ENPP6: variants seen among roughly 807,000 people sequenced by gnomAD.
ENPP6 encodes glycerophosphocholine cholinephosphodiesterase ENPP6.
Under a neutral mutation model 42.0 loss-of-function variants are expected in ENPP6, and 32 were observed. That is an observed-to-expected ratio of 0.76 (90% CI 0.58 to 1.02). ENPP6 has a LOEUF of 1.02. ENPP6 is among the 50% of genes least tolerant of loss of function. The pLI is 0.00. For synonymous variants in ENPP6, 213 were observed against 216.0 expected (o/e 0.99, Z 0.12); for missense variants, 552 against 566.8 (o/e 0.97, Z 0.27).
intron 2 of ENPP6, 87 bp downstream of exon 2, chr4:184,153,467 C>T (rs912544054): frequency 2.7e-5 from 38 of 1,415,290 alleles, no homozygotes; most frequent in Non-Finnish European, 3.3e-5. Context: ...CAAACCACGG[C>T]TTGGTCTTCA....
At chr4:184,091,535 A>C (rs1281885313) in intron 7 of ENPP6, among the ~76,000 whole-genome samples, 153 bp from the exon 8 acceptor site, 3 of 152,170 alleles carry the variant, frequency 2.0e-5, no homozygotes, top group Non-Finnish European at 4.4e-5. Flanking sequence ...GAGTGTGAAC[A>C]TAGAAGGGTA....
At chr4:184,202,291 T>C (rs1386527223) in intron 1 of ENPP6, among the ~76,000 whole-genome samples, 1 of 152,232 alleles carries the variant, frequency 6.6e-6, no homozygotes, top group Non-Finnish European at 1.5e-5. Flanking sequence ...AGCTGTGGCA[T>C]CTGTTCAGGC....
chr4:184,143,148 A>C (rs1245621776), intron 2 of ENPP6, among the ~76,000 whole-genome samples: 2 of 152,220 alleles, frequency 1.3e-5, no homozygotes, highest in East Asian at 3.9e-4. Flanking sequence ...TTTGGATCAC[A>C]GCAGACTGAA....
chr4:184,199,453 T>C (rs1361734720), intron 1 of ENPP6, among the ~76,000 whole-genome samples: 1 of 152,208 alleles, frequency 6.6e-6, no homozygotes, highest in Non-Finnish European at 1.5e-5. Context: ...TTTCAACCTT[T>C]AAAGAATAAT....
chr4:184,112,837 T>A (rs779304242), intron 5 of ENPP6, 28 bp from the exon 6 acceptor site: 3 of 1,606,254 alleles, frequency 1.9e-6, no homozygotes, highest in South Asian at 2.2e-5. Flanking sequence ...AGTGATCAGT[T>A]TGACACTCTC....
chr4:184,167,322 C>G (rs1194145889), intron 1 of ENPP6, among the ~76,000 whole-genome samples: 1 of 152,154 alleles, frequency 6.6e-6, no homozygotes, highest in Non-Finnish European at 1.5e-5. Flanking sequence ...ACCATGTTGG[C>G]CAGGCTGGTC....
intron 6 of ENPP6, 54 bp from the exon 7 acceptor site, chr4:184,097,422 C>T (rs1315617358): frequency 1.9e-6 from 3 of 1,600,864 alleles, no homozygotes; most frequent in Middle Eastern, 1.9e-4. Flanking sequence ...TGGCGCTGAG[C>T]GGGCATCTGC....
At chr4:184,158,181 C>A (rs547899058) in intron 1 of ENPP6, among the ~76,000 whole-genome samples, 1 of 152,170 alleles carries the variant, frequency 6.6e-6, no homozygotes, top group Non-Finnish European at 1.5e-5. Context: ...GTTAAGGGAA[C>A]GAATCTTGGA....
At chr4:184,162,332 G>T (rs991575820) in intron 1 of ENPP6, among the ~76,000 whole-genome samples, 4 of 152,164 alleles carry the variant, frequency 2.6e-5, no homozygotes, top group Non-Finnish European at 4.4e-5. Flanking sequence ...AACTTCAAAT[G>T]CATGACTATT....
chr4:184,145,180 G>A (rs543249853), intron 2 of ENPP6, among the ~76,000 whole-genome samples: 1 of 152,372 alleles, frequency 6.6e-6, no homozygotes, highest in East Asian at 1.9e-4. Flanking sequence ...TCTGAGTGCA[G>A]CGTTGCATGT....
chr4:184,147,794 CT>C (rs1224371830), intron 2 of ENPP6, among the ~76,000 whole-genome samples: 1 of 69,704 alleles, frequency 1.4e-5, no homozygotes, highest in Non-Finnish European at 3.4e-5. Flanking sequence ...GAGAAAGACC[CT>C]GTTTCAAAAA....
intron 1 of ENPP6, among the ~76,000 whole-genome samples, chr4:184,189,540 A>G (rs1254071769): frequency 6.6e-6 from 1 of 152,184 alleles, no homozygotes; most frequent in Non-Finnish European, 1.5e-5. Context: ...AGTCCGCAGC[A>G]CTGGCAGTGA....
At chr4:184,145,169 G>A (rs1320973323) in intron 2 of ENPP6, among the ~76,000 whole-genome samples, 14 of 152,234 alleles carry the variant, frequency 9.2e-5, no homozygotes, top group Admixed American at 7.2e-4. Context: ...ATTTGCAGGC[G>A]TCTGAGTGCA....
chr4:184,168,318 T>TTTA (rs1579646018), intron 1 of ENPP6, among the ~76,000 whole-genome samples: 1 of 152,202 alleles, frequency 6.6e-6, no homozygotes, highest in Non-Finnish European at 1.5e-5. Context: ...AAATGGGCCT[T>TTTA]TTAAAAGGCC....
chr4:184,146,477 T>G (rs935020662), intron 2 of ENPP6, among the ~76,000 whole-genome samples: 1 of 151,770 alleles, frequency 6.6e-6, no homozygotes, highest in African/African-American at 2.4e-5. Flanking sequence ...TGAAACAACC[T>G]GAATTGTTTT....
At chr4:184,126,352 T>C (rs887675833) in intron 2 of ENPP6, among the ~76,000 whole-genome samples, 3 of 152,236 alleles carry the variant, frequency 2.0e-5, no homozygotes, top group East Asian at 1.9e-4. Flanking sequence ...ATTAATTACA[T>C]GTAAAATTCT....
At chr4:184,181,085 T>C (rs1645545842) in intron 1 of ENPP6, among the ~76,000 whole-genome samples, 1 of 152,204 alleles carries the variant, frequency 6.6e-6, no homozygotes, top group South Asian at 2.1e-4. Context: ...TGCTTGCAGA[T>C]GACATGATCC....
chr4:184,155,440 C>G (rs1192203154), intron 1 of ENPP6, among the ~76,000 whole-genome samples: 1 of 152,156 alleles, frequency 6.6e-6, no homozygotes, highest in African/African-American at 2.4e-5. Flanking sequence ...TTCTCTGATG[C>G]CCTTCCAAGT....
intron 1 of ENPP6, among the ~76,000 whole-genome samples, chr4:184,208,416 G>T (rs1733038258): frequency 1.3e-5 from 2 of 152,246 alleles, no homozygotes; most frequent in South Asian, 4.1e-4. Flanking sequence ...GCGAGGCATT[G>T]CCTCACTTGG....
Sources: gnomAD v4.1 joint callset for allele counts (sites outside exome capture counted in the v4.1 genomes callset) on GRCh38, gnomAD v4.1.1 for gene constraint, MANE v1.5 for transcripts, NCBI Gene and HGNC (gene_info 2026-07-23, HGNC 2026-07-21) for gene names.